Variants in CSMD1 observed in about 807,000 individuals in gnomAD.
The protein encoded by CSMD1 is CUB and sushi domain-containing protein 1.
Under a neutral mutation model 417.5 loss-of-function variants are expected in CSMD1, and 213 were observed. The observed-to-expected ratio is 0.51, with a 90% CI of 0.46 to 0.57. The LOEUF (loss-of-function observed/expected upper bound fraction) is 0.57, where lower values mean the gene tolerates loss of function less well. CSMD1 is among the 20% of genes least tolerant of loss of function. The probability of loss-of-function intolerance (pLI) is 0.00; values close to 1 mark genes in which losing one functional copy is unlikely to be tolerated. For missense variants in CSMD1, 6,923 were observed against 4,529.7 expected (o/e 1.53, Z -15.17); for synonymous variants, 2,862 against 1,736.8 (o/e 1.65, Z -16.11).
chr8:4,969,080 C>G (rs139563839), intron 1 of CSMD1, among the ~76,000 whole-genome samples: 183 of 152,268 alleles, frequency 1.2e-3, no homozygotes, highest in African/African-American at 4.3e-3. Context: ...AAAGTGTTGA[C>G]AGCTCACTGA....
At chr8:3,898,345 G>C (rs1292960878) in intron 5 of CSMD1, among the ~76,000 whole-genome samples, 2 of 134,242 alleles carry the variant, frequency 1.5e-5, no homozygotes, top group African/African-American at 4.9e-5. Flanking sequence ...TATGTGTGTA[G>C]TAAACTCTCT....
chr8:3,469,024 T>G, intron 11 of CSMD1, 200 bp from the exon 12 acceptor site: 2 of 439,628 alleles, frequency 4.5e-6, no homozygotes, highest in Non-Finnish European at 8.1e-6. Flanking sequence ...CAGAAATTAC[T>G]CTATTCTATG....
Position 3,056,075 on chromosome 8 carries a change from A to G in CSMD1, c.7475-3428T>C, listed in dbSNP as rs142281507. Among the ~76,000 whole-genome samples, 525 of 152,334 alleles carry G rather than the reference A, an allele frequency of 3.4e-3. 4 individuals carry two copies. Among genetic ancestry groups the G allele is most frequent in the African/African-American group, 0.012 (498 of 41,586 alleles). On this transcript the variant is annotated intron_variant, in intron 49 of 69. Coordinates refer to ENST00000635120, the MANE Select transcript of CSMD1 (RefSeq NM_033225.6). ...TTTTGTATTACACATACACACATAA[A>G]ATTTTTACTTATTTATTTGCAAATA...
chr8:4,223,551 G>A (rs1311077447), intron 3 of CSMD1, among the ~76,000 whole-genome samples: 5 of 152,220 alleles, frequency 3.3e-5, no homozygotes, highest in African/African-American at 1.2e-4. Flanking sequence ...CAGGAGAGCT[G>A]GCCTGCAAGG....
chr8:4,416,132 A>G (rs943262084), intron 3 of CSMD1, among the ~76,000 whole-genome samples: 16 of 152,196 alleles, frequency 1.1e-4, no homozygotes, highest in Non-Finnish European at 1.9e-4. Context: ...GCCTTACACT[A>G]TGGAGAAAAG....
At chr8:3,812,992 G>T (rs1482101130) in intron 5 of CSMD1, among the ~76,000 whole-genome samples, 3 of 151,912 alleles carry the variant, frequency 2.0e-5, no homozygotes, top group Non-Finnish European at 2.9e-5. Context: ...AGGAAATCTG[G>T]AATTAACTCT....
chr8:3,689,594 T>G (rs991243007), intron 7 of CSMD1, among the ~76,000 whole-genome samples: 2 of 152,222 alleles, frequency 1.3e-5, no homozygotes, highest in Admixed American at 1.3e-4. Context: ...CAGTTCACTC[T>G]TAGTCCACTG....
At chr8:4,925,392 G>A (rs147124674) in intron 1 of CSMD1, among the ~76,000 whole-genome samples, 3 of 151,432 alleles carry the variant, frequency 2.0e-5, no homozygotes, top group Non-Finnish European at 4.4e-5. Flanking sequence ...TAAATACATG[G>A]CATTTTGTAA....
At chr8:4,615,539 G>C (rs866325535) in intron 2 of CSMD1, among the ~76,000 whole-genome samples, 2 of 152,152 alleles carry the variant, frequency 1.3e-5, no homozygotes, top group Non-Finnish European at 2.9e-5. Context: ...TGCATATTTA[G>C]CAAATGTGTG....
At chr8:3,800,915 C>A (rs1012179189) in intron 5 of CSMD1, among the ~76,000 whole-genome samples, 4 of 152,014 alleles carry the variant, frequency 2.6e-5, no homozygotes, top group Non-Finnish European at 4.4e-5. Flanking sequence ...GTGAAATAAA[C>A]CTCTTTCTTT....
chr8:4,177,467 A>C (rs184167144), intron 3 of CSMD1, among the ~76,000 whole-genome samples: 1 of 152,300 alleles, frequency 6.6e-6, no homozygotes, highest in East Asian at 1.9e-4. Context: ...AAATGTCCAC[A>C]AGAGAAAGTA....
intron 1 of CSMD1, among the ~76,000 whole-genome samples, chr8:4,861,171 A>G (rs983585051): frequency 2.6e-5 from 4 of 152,174 alleles, no homozygotes; most frequent in African/African-American, 9.7e-5. Flanking sequence ...ATGGAAGTTG[A>G]TAATAGATTC....
At chr8:3,865,211 G>C (rs555126335) in intron 5 of CSMD1, among the ~76,000 whole-genome samples, 2 of 152,246 alleles carry the variant, frequency 1.3e-5, no homozygotes, top group African/African-American at 2.4e-5. Context: ...GAAAATGACA[G>C]ACATAAGTCA....
chr8:3,348,332 A>G (rs1485105989), intron 21 of CSMD1, among the ~76,000 whole-genome samples, 171 bp from the exon 22 acceptor site: 2 of 152,078 alleles, frequency 1.3e-5, no homozygotes, highest in East Asian at 3.9e-4. Flanking sequence ...GACCAACTGG[A>G]CCAAAAAAGA....
chr8:3,112,126 C>A (rs1444766885), intron 42 of CSMD1, among the ~76,000 whole-genome samples: 2 of 151,976 alleles, frequency 1.3e-5, no homozygotes, highest in Non-Finnish European at 2.9e-5. Flanking sequence ...TGCATCTCCT[C>A]CCACCCCAGC....
chr8:3,642,956 C>T (rs995838140), intron 7 of CSMD1, among the ~76,000 whole-genome samples: 2 of 151,190 alleles, frequency 1.3e-5, no homozygotes, highest in Middle Eastern at 3.4e-3. Flanking sequence ...TAAAAAAATA[C>T]AAATTAGGAA....
At position 3,343,405 on chromosome 8, in the gene CSMD1, T is replaced by C. The variant is rs901417574; in HGVS notation, c.3520A>G (p.Thr1174Ala). ...DSSSRPLGTFTKNELLGLILN... is the reference protein window; with the variant it reads ...DSSSRPLGTFAKNELLGLILN... Reference sequence around the variant, plus strand: ...ATCAGCCCCAGAAGTTCATTTTTAGTGAACGTGCCCAGTGGACGTGAGGAA... The same window carrying C: ...ATCAGCCCCAGAAGTTCATTTTTAGCGAACGTGCCCAGTGGACGTGAGGAA... Residue 1174 changes from threonine (T) to alanine (A), a missense_variant, in exon 23 of 70, where the codon ACT becomes GCT. Thr to Ala is a moderately conservative substitution (Grantham distance 58). Coordinates refer to ENST00000635120, the MANE Select transcript of CSMD1 (RefSeq NM_033225.6). The C allele has an allele frequency of 1.1e-5, 18 of 1,613,766 alleles. No homozygotes were observed.
At position 4,637,361 on chromosome 8, in the gene CSMD1, G is replaced by C. The variant is rs777177694; in HGVS notation, c.283C>G (p.Gln95Glu). The stretch of plus-strand genomic sequence containing the variant: ...CCTTACCTCACTTTTAAATTCCCTT[G>C]TTGAGGCTGTCCATCGTAAACTGAT... Reference protein sequence around the residue: ...ILSVYDGQPQQGNLKVRLSGF... With the variant: ...ILSVYDGQPQEGNLKVRLSGF... Residue 95 changes from glutamine to glutamate, a missense_variant, in exon 2 of 70, where the codon CAA becomes GAA. By Grantham distance (29) the Gln-to-Glu change is conservative. Coordinates refer to ENST00000635120, the MANE Select transcript of CSMD1 (RefSeq NM_033225.6). 56 of 1,613,532 alleles carry C rather than the reference G, an allele frequency of 3.5e-5. No homozygotes were observed. In the East Asian group the frequency reaches 7.4e-4, roughly 21 times the overall value.
At chr8:4,059,055 C>T (rs1174614111) in intron 3 of CSMD1, among the ~76,000 whole-genome samples, 5 of 152,086 alleles carry the variant, frequency 3.3e-5, no homozygotes, top group South Asian at 2.1e-4. Context: ...AAGCTCTCCT[C>T]AGCAAATGTA....
Sources: allele counts gnomAD v4.1 joint callset (sites outside exome capture counted in the v4.1 genomes callset), GRCh38; gene constraint gnomAD v4.1.1; transcripts MANE v1.5; gene names NCBI Gene and HGNC (gene_info 2026-07-23, HGNC 2026-07-21).